Variants in SMCHD1 observed in about 807,000 individuals in gnomAD.
The protein encoded by SMCHD1 is structural maintenance of chromosomes flexible hinge domain-containing protein 1.
A neutral mutation model predicts 254.7 loss-of-function variants in SMCHD1; 78 were observed. The ratio of observed to expected loss-of-function variants is 0.31; its 90% CI spans 0.26 to 0.37. The LOEUF (loss-of-function observed/expected upper bound fraction) is 0.37. Among genes scored for constraint, SMCHD1 ranks in the 10% least tolerant of loss-of-function variants. The pLI is 1.00. For synonymous variants in SMCHD1, 766 were observed against 794.9 expected (o/e 0.96, Z 0.61); for missense variants, 1,840 against 2,408.1 (o/e 0.76, Z 4.94).
Position 2,772,311 on chromosome 18 carries a change from A to G in SMCHD1, c.5114A>G (p.Lys1705Arg). The G allele has an allele frequency of 6.2e-7, 1 of 1,609,132 alleles. No individual in the cohort carries two copies. The highest frequency in any genetic ancestry group is 1.1e-5 in the South Asian group (1 of 90,094). Residue 1705 changes from lysine to arginine, a missense_variant, in exon 41 of 48, where the codon AAA becomes AGA. Coordinates refer to ENST00000320876, the MANE Select transcript of SMCHD1 (RefSeq NM_015295.3). ...TCAGAACAAGAAGAACTGAAGAAAA[A>G]ACCTAGAAGATCGTGTACTCTTCCA... Reference protein sequence around the residue: ...KLSEQEELKKKPRRSCTLPNY... With the variant: ...KLSEQEELKKRPRRSCTLPNY...
chr18:2,802,460 T>C, intron 47 of SMCHD1, 68 bp from the exon 48 acceptor site: 4 of 1,212,418 alleles, frequency 3.3e-6, no homozygotes, highest in Non-Finnish European at 3.5e-6. Flanking sequence ...CATTCAGGTG[T>C]GATGAGGGAA....
intron 47 of SMCHD1, chr18:2,800,837 A>G (rs1329381108): frequency 2.0e-5 from 3 of 152,206 alleles, no homozygotes; most frequent in Non-Finnish European, 4.4e-5. Flanking sequence ...GTCATCACAC[A>G]TATGAGGGTA....
intron 29 of SMCHD1, among the ~76,000 whole-genome samples, chr18:2,746,643 C>T (rs1161560755): frequency 6.6e-6 from 1 of 152,144 alleles, no homozygotes; most frequent in East Asian, 1.9e-4. Flanking sequence ...TTTCAGCAGC[C>T]TTTCCCCATA....
chr18:2,750,607 G>A, intron 32 of SMCHD1, 100 bp downstream of exon 32: 1 of 925,548 alleles, frequency 1.1e-6, no homozygotes, highest in Non-Finnish European at 1.6e-6. Flanking sequence ...TCAGTCTAAT[G>A]TAGGAGACAG....
chr18:2,656,723 C>T (rs749475514), intron 1 of SMCHD1, among the ~76,000 whole-genome samples: 1 of 152,198 alleles, frequency 6.6e-6, no homozygotes, highest in Non-Finnish European at 1.5e-5. Flanking sequence ...AGTCATCTCC[C>T]CCAAGTTCAT....
intron 8 of SMCHD1, 47 bp downstream of exon 8, chr18:2,694,740 T>TA: frequency 6.6e-7 from 1 of 1,523,540 alleles, no homozygotes; most frequent in East Asian, 2.3e-5. Context: ...TTAACTTTTT[T>TA]AAGGCAGAAA....
intron 37 of SMCHD1, among the ~76,000 whole-genome samples, chr18:2,766,718 T>A (rs543535471): frequency 6.6e-6 from 1 of 152,378 alleles, no homozygotes; most frequent in South Asian, 2.1e-4. Flanking sequence ...CTGTATTATT[T>A]GCCTACATGA....
At chr18:2,802,279 CTG>C (rs1365158275) in intron 47 of SMCHD1, among the ~76,000 whole-genome samples, 1 of 152,088 alleles carries the variant, frequency 6.6e-6, no homozygotes, top group African/African-American at 2.4e-5. Flanking sequence ...TTTCAAAGCA[CTG>C]TGATACAAAT....
chr18:2,655,974 A>G lies in SMCHD1; in HGVS notation c.-102A>G. 2.0e-6 allele frequency: 2 copies of G among 1,013,908 alleles called. No homozygotes were observed. Among genetic ancestry groups the G allele is most frequent in the Non-Finnish European group, 2.5e-6 (2 of 789,154 alleles). 62.8% of individuals were successfully genotyped at this position (1,013,908 alleles called of 1,614,324 possible). ...TGCAGCGCGCCGGGCCGAGGCCTCG[A>G]GCCGCCCCGGGAGCTGGAGCTGAAG... On this transcript the variant is annotated 5_prime_UTR_variant, in exon 1 of 48. Transcript: ENST00000320876.
chr18:2,676,891 A>G (rs1297306717), intron 5 of SMCHD1, among the ~76,000 whole-genome samples: 1 of 152,232 alleles, frequency 6.6e-6, no homozygotes, highest in Non-Finnish European at 1.5e-5. Context: ...ATTCTCATAA[A>G]TAACTACAAA....
intron 17 of SMCHD1, among the ~76,000 whole-genome samples, chr18:2,717,829 C>T (rs1002262347): frequency 6.6e-6 from 1 of 151,926 alleles, no homozygotes; most frequent in African/African-American, 2.4e-5. Context: ...TTAATATTTA[C>T]ATTATATAAT....
chr18:2,770,218 A>G, intron 39 of SMCHD1, 110 bp downstream of exon 39: 2 of 1,090,444 alleles, frequency 1.8e-6, no homozygotes, highest in Non-Finnish European at 2.5e-6. Flanking sequence ...AGTAAAATAC[A>G]GAATGTTTCA....
At chr18:2,724,683 A>T (rs1369574304) in intron 20 of SMCHD1, among the ~76,000 whole-genome samples, 1 of 152,044 alleles carries the variant, frequency 6.6e-6, no homozygotes, top group Non-Finnish European at 1.5e-5. Flanking sequence ...TATCATTTTC[A>T]GTGTTTAACC....
chr18:2,790,425 T>A (rs1287699168), intron 45 of SMCHD1, among the ~76,000 whole-genome samples: 1 of 152,160 alleles, frequency 6.6e-6, no homozygotes, highest in Non-Finnish European at 1.5e-5. Context: ...TATGCCTAAC[T>A]TATAAATTAA....
At chr18:2,697,172 C>T (rs1228001633) in intron 9 of SMCHD1, 50 bp downstream of exon 9, 11 of 955,796 alleles carry the variant, frequency 1.2e-5, no homozygotes, top group Non-Finnish European at 1.7e-5. Flanking sequence ...GATATTTGTT[C>T]CAGTTCCAAA....
chr18:2,760,460 G>C (rs1377766090), intron 34 of SMCHD1, 192 bp from the exon 35 acceptor site: 1 of 433,376 alleles, frequency 2.3e-6, no homozygotes, highest in African/African-American at 2.1e-5. Flanking sequence ...TTTTGTAAAA[G>C]AATGTACAGG....
At position 2,789,147 on chromosome 18, in the gene SMCHD1, G is replaced by C. The variant is rs571734766; in HGVS notation, c.5719+4526G>C. Among the ~76,000 whole-genome samples, 7 of 151,998 alleles carry C rather than the reference G, an allele frequency of 4.6e-5. No individual in the cohort carries two copies. The East Asian group carries it at 1.4e-3, about 29-fold the overall frequency. On this transcript the variant is annotated intron_variant, in intron 45 of 47. Transcript: ENST00000320876. ...GGTGATCCTCCCACCTTAGCCTTTC[G>C]AATAGCTGGGACTACAGGCTTGTGC...
At chr18:2,712,119 A>G (rs1279191429) in intron 17 of SMCHD1, among the ~76,000 whole-genome samples, 1 of 152,086 alleles carries the variant, frequency 6.6e-6, no homozygotes, top group African/African-American at 2.4e-5. Flanking sequence ...ACAACACTAT[A>G]TAGACTAAGG....
intron 17 of SMCHD1, among the ~76,000 whole-genome samples, chr18:2,717,584 C>T (rs1037221228): frequency 1.3e-5 from 2 of 152,116 alleles, no homozygotes; most frequent in Non-Finnish European, 1.5e-5. Flanking sequence ...CAAAGTGCTG[C>T]GATTACAGGC....
Sources: gnomAD v4.1 joint callset for allele counts (sites outside exome capture counted in the v4.1 genomes callset) on GRCh38, gnomAD v4.1.1 for gene constraint, MANE v1.5 for transcripts, NCBI Gene and HGNC (gene_info 2026-07-23, HGNC 2026-07-21) for gene names.